Variants in UCHL3 observed in about 807,000 individuals in gnomAD.
UCHL3 encodes ubiquitin C-terminal hydrolase L3.
UCHL3 carries 22 observed loss-of-function variants against 35.8 expected under a neutral mutation model. That is an observed-to-expected ratio of 0.61 (90% confidence interval 0.44 to 0.88). The LOEUF is 0.88. UCHL3 is among the 40% of genes least tolerant of loss of function. The probability of loss-of-function intolerance (pLI) is 0.00; values close to 1 mark genes in which losing one functional copy is unlikely to be tolerated. For missense variants in UCHL3, 229 were observed against 276.9 expected (o/e 0.83, Z 1.23); for synonymous variants, 90 against 92.8 (o/e 0.97, Z 0.17).
chr13:75,588,236 T>C (rs568839337), intron 6 of UCHL3, among the ~76,000 whole-genome samples: 8 of 152,290 alleles, frequency 5.3e-5, no homozygotes, highest in African/African-American at 1.4e-4. Flanking sequence ...ATCCCAACTT[T>C]ATATATTCTT....
chr13:75,554,330 C>T (rs1744349776), intron 2 of UCHL3, among the ~76,000 whole-genome samples: 1 of 152,156 alleles, frequency 6.6e-6, no homozygotes, highest in Non-Finnish European at 1.5e-5. Context: ...CTTATAATCT[C>T]TTCTAATCTT....
At chr13:75,600,972 T>C (rs2032769219) in intron 7 of UCHL3, among the ~76,000 whole-genome samples, 1 of 152,228 alleles carries the variant, frequency 6.6e-6, no homozygotes, top group South Asian at 2.1e-4. Flanking sequence ...AATAAGTTGG[T>C]TCCAATCCTC....
chr13:75,583,652 G>A (rs2032245080), intron 6 of UCHL3, among the ~76,000 whole-genome samples: 1 of 152,092 alleles, frequency 6.6e-6, no homozygotes. Context: ...AGATACTTGT[G>A]TGCACATTTT....
chr13:75,589,921 CTT>C (rs1237458688), intron 6 of UCHL3: 2 of 1,291,112 alleles, frequency 1.5e-6, no homozygotes, highest in African/African-American at 1.5e-5. Context: ...AAAATATTCT[CTT>C]TTTTAATTAT....
intron 6 of UCHL3, among the ~76,000 whole-genome samples, chr13:75,573,029 C>T (rs1399129165): frequency 6.6e-6 from 1 of 152,202 alleles, no homozygotes; most frequent in Non-Finnish European, 1.5e-5. Context: ...CTTTGGGAGG[C>T]CAAGGCAGGC....
rs1566227778 is a variant in UCHL3 at position 75,592,417 on chromosome 13, T to TATATATATATATGTATATACATATATAC, written c.475-2486_475-2485insGTATATACATATATACATATATATATAT. Among the ~76,000 whole-genome samples the TATATATATATATGTATATACATATATAC allele has an allele frequency of 6.8e-4, 23 of 33,984 alleles. 2 individuals are homozygous for TATATATATATATGTATATACATATATAC. The highest frequency in any genetic ancestry group is 2.6e-3 in the African/African-American group (15 of 5,710). 22.3% of individuals were successfully genotyped at this position (33,984 alleles called of 152,430 possible). On this transcript the variant is annotated intron_variant, in intron 6 of 8. Coordinates refer to ENST00000377595, the MANE Select transcript of UCHL3 (RefSeq NM_006002.5). ...AAGTGGAATTTTAATTTTTCCTTCA[T>TATATATATATATGTATATACATATATAC]ATATATATATATATATATATATATA...
intron 6 of UCHL3, among the ~76,000 whole-genome samples, chr13:75,583,040 G>A (rs1233157627): frequency 3.9e-5 from 6 of 152,216 alleles, no homozygotes; most frequent in African/African-American, 7.2e-5. Flanking sequence ...TGTATAGTGC[G>A]TTCATTTAGC....
intron 7 of UCHL3, 54 bp from the exon 8 acceptor site, chr13:75,604,715 C>G: frequency 6.8e-7 from 1 of 1,465,458 alleles, no homozygotes; most frequent in Non-Finnish European, 9.2e-7. Flanking sequence ...AAGTTGAAAG[C>G]ACATTATCCT....
At position 75,566,813 on chromosome 13, in the gene UCHL3, T is replaced by C; in HGVS notation, c.302T>C (p.Ile101Thr). ...ISNACGTIGL[I>T]HAIANNKDKM... ...AATGCCTGTGGAACAATTGGACTGATTCATGCTATTGCAAACAATAAAGAC... is the reference window on the plus strand; with the variant it reads ...AATGCCTGTGGAACAATTGGACTGACTCATGCTATTGCAAACAATAAAGAC... The change falls in exon 4 of 9, where the codon ATT (isoleucine) becomes ACT (threonine). Residue 101 changes from isoleucine to threonine, a missense_variant. By Grantham distance (89) the Ile-to-Thr change is moderately conservative (BLOSUM62 -1). Transcript: ENST00000377595. 6.2e-7 allele frequency: 1 copy of C among 1,605,938 alleles called. No individual in the cohort carries two copies. The highest frequency in any genetic ancestry group is 8.5e-7 in the Non-Finnish European group (1 of 1,177,744).
chr13:75,593,457 A>G (rs1057514993), intron 6 of UCHL3, among the ~76,000 whole-genome samples: 5 of 152,224 alleles, frequency 3.3e-5, no homozygotes, highest in African/African-American at 9.6e-5. Flanking sequence ...ATGATGGAAA[A>G]TACAAGGAGA....
At chr13:75,565,291 ACTGAAC>A (rs748337069) in intron 3 of UCHL3, among the ~76,000 whole-genome samples, 3 of 152,216 alleles carry the variant, frequency 2.0e-5, no homozygotes, top group Non-Finnish European at 4.4e-5. Flanking sequence ...ACCTTAACAT[ACTGAAC>A]CTTTCCAGTT....
chr13:75,593,391 A>G (rs1372852098), intron 6 of UCHL3, among the ~76,000 whole-genome samples: 1 of 152,180 alleles, frequency 6.6e-6, no homozygotes, highest in Non-Finnish European at 1.5e-5. Context: ...ACTCATTATC[A>G]CTGTCTTCAC....
intron 2 of UCHL3, among the ~76,000 whole-genome samples, chr13:75,553,442 G>A (rs2138447993): frequency 6.6e-6 from 1 of 152,262 alleles, no homozygotes; most frequent in East Asian, 1.9e-4. Context: ...GCAGCATTTG[G>A]TAGAATAGCT....
rs542787847 is a variant in UCHL3 at position 75,554,998 on chromosome 13, G to C, written c.54+5011G>C. Among the ~76,000 whole-genome samples, 8 of 152,246 alleles carry C rather than the reference G, an allele frequency of 5.3e-5. No homozygotes were observed. The East Asian group carries it at 1.5e-3, about 29-fold the overall frequency. On this transcript the variant is annotated intron_variant, in intron 2 of 8. Coordinates refer to ENST00000377595, the MANE Select transcript of UCHL3 (RefSeq NM_006002.5). ...TCACAAGTGAGAACATGCGGTATTT[G>C]GTTTTCTGTTCTTGCATTAGTTTGC...
chr13:75,551,577 A>G (rs1292840944), intron 2 of UCHL3, among the ~76,000 whole-genome samples: 1 of 152,222 alleles, frequency 6.6e-6, no homozygotes, highest in African/African-American at 2.4e-5. Flanking sequence ...ATTAGCAAAT[A>G]GAATGCAGCA....
At chr13:75,583,610 C>T (rs928187792) in intron 6 of UCHL3, among the ~76,000 whole-genome samples, 1 of 152,056 alleles carries the variant, frequency 6.6e-6, no homozygotes, top group Non-Finnish European at 1.5e-5. Context: ...ATTTTGGATA[C>T]CAATATTATT....
chr13:75,552,605 C>T (rs1329081741), intron 2 of UCHL3, among the ~76,000 whole-genome samples: 1 of 152,004 alleles, frequency 6.6e-6, no homozygotes, highest in Non-Finnish European at 1.5e-5. Context: ...TGCTGTCAGC[C>T]CTTTTAAGGA....
At chr13:75,590,105 A>G (rs2032440634) in intron 6 of UCHL3, 9 of 1,303,038 alleles carry the variant, frequency 6.9e-6, no homozygotes, top group South Asian at 6.2e-5. Context: ...TCTTACGTCT[A>G]CCATCTTTGG....
At chr13:75,580,337 A>T (rs189175521) in intron 6 of UCHL3, among the ~76,000 whole-genome samples, 2 of 152,346 alleles carry the variant, frequency 1.3e-5, no homozygotes, top group East Asian at 3.9e-4. Context: ...TTACTAAAAA[A>T]TCTACAGAAA....
Sources: gnomAD v4.1 joint callset for allele counts (sites outside exome capture counted in the v4.1 genomes callset) on GRCh38, gnomAD v4.1.1 for gene constraint, MANE v1.5 for transcripts, NCBI Gene and HGNC (gene_info 2026-07-23, HGNC 2026-07-21) for gene names.